Variants in HTR2C observed in about 807,000 individuals in gnomAD.
HTR2C encodes the protein 5-hydroxytryptamine receptor 2C, also known as 5-hydroxytryptamine (serotonin) receptor 2C, G protein-coupled.
Under a neutral mutation model 21.0 loss-of-function variants are expected in HTR2C, and 5 were observed. The observed-to-expected ratio is 0.24, with a 90% confidence interval of 0.12 to 0.50. The LOEUF is 0.50. Ranked by LOEUF, HTR2C falls within the 20% of genes least tolerant of loss-of-function variation. The pLI, the probability that HTR2C is intolerant of heterozygous loss-of-function variation, is 0.98. For synonymous variants in HTR2C, 150 were observed against 145.3 expected (o/e 1.03, Z -0.23); for missense variants, 271 against 371.2 (o/e 0.73, Z 2.22).
intron 2 of HTR2C, among the ~76,000 whole-genome samples, chrX:114,722,315 T>C (rs1425290729): frequency 2.3e-4 from 25 of 110,654 alleles, no homozygotes; most frequent in Non-Finnish European, 4.0e-4. Context: ...TTTGGCTCTC[T>C]GTCTGTTATT....
intron 2 of HTR2C, among the ~76,000 whole-genome samples, chrX:114,675,955 C>T (rs898937722): frequency 2.8e-5 from 3 of 107,168 alleles, no homozygotes; most frequent in Non-Finnish European, 5.8e-5. Flanking sequence ...CTGCAACCTC[C>T]GCCTCCTGGG....
At chrX:114,585,411 C>T (rs192418843) in intron 1 of HTR2C, among the ~76,000 whole-genome samples, 137 of 111,139 alleles carry the variant, frequency 1.2e-3, no homozygotes, top group African/African-American at 4.2e-3. Context: ...GGTTACTGTT[C>T]TATATTTTGA....
At chrX:114,853,215 C>T (rs189331834) in intron 5 of HTR2C, among the ~76,000 whole-genome samples, 1 of 111,196 alleles carries the variant, frequency 9.0e-6, no homozygotes, top group African/African-American at 3.3e-5. Flanking sequence ...TGTCCTTTTG[C>T]TCATTTTTTC....
chrX:114,809,101 C>T (rs1157611953), intron 4 of HTR2C, among the ~76,000 whole-genome samples: 1 of 111,156 alleles, frequency 9.0e-6, no homozygotes, highest in Non-Finnish European at 1.9e-5. Flanking sequence ...TTTCCTTGGC[C>T]CTGGGCAGGC....
intron 1 of HTR2C, among the ~76,000 whole-genome samples, chrX:114,608,520 T>C (rs1265872409): frequency 9.0e-6 from 1 of 111,662 alleles, no homozygotes; most frequent in African/African-American, 3.3e-5. Flanking sequence ...GCTGGGAATG[T>C]CAGAGAAGTT....
chrX:114,592,789 T>C (rs890458212), intron 1 of HTR2C, among the ~76,000 whole-genome samples: 4 of 112,042 alleles, frequency 3.6e-5, no homozygotes, highest in South Asian at 7.4e-4. Flanking sequence ...TATCTCATGT[T>C]TGAACTCTGC....
chrX:114,589,564 A>G (rs1927546610), intron 1 of HTR2C: 1 of 130,710 alleles, frequency 7.7e-6, no homozygotes, highest in South Asian at 2.4e-4. Context: ...ACCGACTGAC[A>G]GAAGGATCAG....
intron 2 of HTR2C, among the ~76,000 whole-genome samples, chrX:114,624,723 C>T (rs782659821): frequency 8.9e-6 from 1 of 111,785 alleles, no homozygotes; most frequent in South Asian, 3.7e-4. Flanking sequence ...GAAAGAACTC[C>T]TGATAGTTTA....
intron 5 of HTR2C, among the ~76,000 whole-genome samples, chrX:114,871,616 T>A (rs1248407122): frequency 2.2e-5 from 2 of 89,419 alleles, no homozygotes; most frequent in African/African-American, 7.6e-5. Context: ...TGGCTTACGA[T>A]TTTTGTGACA....
chrX:114,768,254 A>C (rs2069965314), intron 4 of HTR2C, among the ~76,000 whole-genome samples: 1 of 111,028 alleles, frequency 9.0e-6, no homozygotes, highest in East Asian at 2.8e-4. Flanking sequence ...CTGTGCATCT[A>C]TCTTGATAAG....
intron 4 of HTR2C, among the ~76,000 whole-genome samples, chrX:114,741,451 G>A (rs2069644355): frequency 1.1e-5 from 1 of 94,907 alleles, no homozygotes; most frequent in African/African-American, 3.8e-5. Flanking sequence ...GAGAGGCGGA[G>A]GTTGCAGTGA....
chrX:114,767,781 T>G (rs2069960890), intron 4 of HTR2C, among the ~76,000 whole-genome samples: 1 of 108,629 alleles, frequency 9.2e-6, no homozygotes. Flanking sequence ...GTAAATTCCC[T>G]GTTGTTTGAA....
chrX:114,761,918 C>CGTGTATATATACATATAT (rs2069875615), intron 4 of HTR2C, among the ~76,000 whole-genome samples: 1 of 102,738 alleles, frequency 9.7e-6, no homozygotes, highest in Admixed American at 1.0e-4. Context: ...TGTATATATA[C>CGTGTATATATACATATAT]GTGTATATAT....
At chrX:114,657,460 C>A (rs1476246571) in intron 2 of HTR2C, among the ~76,000 whole-genome samples, 1 of 110,923 alleles carries the variant, frequency 9.0e-6, no homozygotes, top group Non-Finnish European at 1.9e-5. Flanking sequence ...ATAATTCATG[C>A]AAATTCAACA....
intron 5 of HTR2C, among the ~76,000 whole-genome samples, chrX:114,872,717 T>G (rs1451434648): frequency 1.8e-5 from 2 of 111,124 alleles, no homozygotes; most frequent in African/African-American, 6.5e-5. Context: ...ACTTAACATA[T>G]GGTCTATGTG....
chrX:114,731,735 A>T (rs1046866924), intron 4 of HTR2C, 128 bp downstream of exon 4: 2 of 486,811 alleles, frequency 4.1e-6, no homozygotes, highest in African/African-American at 4.9e-5. Flanking sequence ...CGTGTGACAG[A>T]AGGAGTTGGA....
intron 5 of HTR2C, among the ~76,000 whole-genome samples, chrX:114,879,157 G>A (rs2071161116): frequency 9.4e-6 from 1 of 105,886 alleles, no homozygotes; most frequent in African/African-American, 3.4e-5. Flanking sequence ...TGTATTTTGG[G>A]GCTCTGTTAG....
intron 2 of HTR2C, among the ~76,000 whole-genome samples, chrX:114,680,787 A>G (rs1602683580): frequency 1.8e-5 from 2 of 111,845 alleles, no homozygotes; most frequent in East Asian, 5.6e-4. Context: ...CCAGAATGGC[A>G]TATTTTAGGG....
chrX:114,667,690 G>A (rs1305746220), intron 2 of HTR2C, among the ~76,000 whole-genome samples: 1 of 111,301 alleles, frequency 9.0e-6, no homozygotes, highest in Non-Finnish European at 1.9e-5. Context: ...TGATTTCTAG[G>A]AAGCCAAGGA....
Sources: allele counts gnomAD v4.1 joint callset (sites outside exome capture counted in the v4.1 genomes callset), GRCh38; gene constraint gnomAD v4.1.1; transcripts MANE v1.5; gene names NCBI Gene and HGNC (gene_info 2026-07-23, HGNC 2026-07-21).